Variants in TRPM3 observed in about 807,000 individuals in gnomAD.
The protein encoded by TRPM3 is long transient receptor potential channel 3.
Under a neutral mutation model 181.2 loss-of-function variants are expected in TRPM3, and 77 were observed. The ratio of observed to expected loss-of-function variants is 0.42; its 90% CI spans 0.35 to 0.51. The LOEUF is 0.51. Among genes scored for constraint, TRPM3 ranks in the 20% least tolerant of loss-of-function variants. The probability of loss-of-function intolerance (pLI) is 0.01; values close to 1 mark genes in which losing one functional copy is unlikely to be tolerated. For synonymous variants in TRPM3, 745 were observed against 796.4 expected (o/e 0.94, Z 1.09); for missense variants, 1,759 against 2,196.7 (o/e 0.80, Z 3.98).
chr9:71,179,445 G>C (rs959659574), intron 1 of TRPM3, among the ~76,000 whole-genome samples: 16 of 152,168 alleles, frequency 1.1e-4, no homozygotes, highest in Non-Finnish European at 2.9e-5. Context: ...CTCTCATTCT[G>C]GTCTGTGTTT....
chr9:71,059,551 T>C (rs1433014275), intron 1 of TRPM3, among the ~76,000 whole-genome samples: 2 of 152,030 alleles, frequency 1.3e-5, no homozygotes, highest in Admixed American at 1.3e-4. Flanking sequence ...ATCATATTAA[T>C]TTTGCTGTTG....
intron 6 of TRPM3, among the ~76,000 whole-genome samples, chr9:70,818,331 T>A (rs2092880727): frequency 1.3e-5 from 2 of 152,392 alleles, no homozygotes; most frequent in African/African-American, 4.8e-5. Flanking sequence ...GATTATATGT[T>A]AGAGTTCTCT....
At chr9:70,783,438 A>C (rs1055561334) in intron 7 of TRPM3, among the ~76,000 whole-genome samples, 15 of 152,112 alleles carry the variant, frequency 9.9e-5, no homozygotes, top group African/African-American at 3.6e-4. Context: ...GCATTTGCTC[A>C]GTGGGAAGTT....
intron 1 of TRPM3, among the ~76,000 whole-genome samples, chr9:71,349,697 C>T (rs1018295026): frequency 1.1e-4 from 16 of 151,956 alleles, no homozygotes; most frequent in African/African-American, 3.4e-4. Flanking sequence ...TTCTTTTGAC[C>T]AATGTCAAAA....
chr9:70,810,708 G>A (rs901500069), intron 6 of TRPM3, among the ~76,000 whole-genome samples: 2 of 152,152 alleles, frequency 1.3e-5, no homozygotes, highest in East Asian at 1.9e-4. Context: ...GCTTCCATGT[G>A]TAGGATGAAA....
intron 1 of TRPM3, among the ~76,000 whole-genome samples, chr9:71,392,682 C>T (rs2093090877): frequency 6.6e-6 from 1 of 152,104 alleles, no homozygotes. Context: ...TCTCTCAAGA[C>T]TTACAGCACC....
At chr9:70,834,514 G>C (rs564806850) in intron 5 of TRPM3, among the ~76,000 whole-genome samples, 2 of 152,302 alleles carry the variant, frequency 1.3e-5, no homozygotes, top group East Asian at 3.9e-4. Flanking sequence ...CCTAGTCTAG[G>C]TTGGACTCAG....
At chr9:71,379,597 C>T (rs1420304974) in intron 1 of TRPM3, among the ~76,000 whole-genome samples, 2 of 151,992 alleles carry the variant, frequency 1.3e-5, no homozygotes, top group African/African-American at 4.8e-5. Context: ...CTTAATTGAT[C>T]TGGTGTGGGC....
intron 1 of TRPM3, among the ~76,000 whole-genome samples, chr9:70,888,360 GGGGT>G (rs1191960898): frequency 3.1e-5 from 3 of 95,726 alleles, no homozygotes; most frequent in Admixed American, 2.2e-4. Context: ...CTTTTATTTT[GGGGT>G]GTGTGTGTGT....
At chr9:70,841,661 T>TAA (rs1339698170) in intron 5 of TRPM3, among the ~76,000 whole-genome samples, 1,783 of 86,002 alleles carry the variant, frequency 0.021, 87 homozygotes, top group African/African-American at 0.043. Flanking sequence ...TATATATATA[T>TAA]CCCACCATAT....
chr9:70,930,586 G>T (rs2096766121), intron 1 of TRPM3, among the ~76,000 whole-genome samples: 1 of 152,144 alleles, frequency 6.6e-6, no homozygotes, highest in Non-Finnish European at 1.5e-5. Flanking sequence ...TAAGGATAGA[G>T]TACTACACTG....
chr9:70,654,337 T>G (rs1454585244), intron 9 of TRPM3, among the ~76,000 whole-genome samples: 1 of 152,030 alleles, frequency 6.6e-6, no homozygotes, highest in Admixed American at 6.6e-5. Context: ...AAGTGTCTGG[T>G]GCGTTGACCT....
At chr9:71,418,216 T>G (rs2093667230) in intron 1 of TRPM3, among the ~76,000 whole-genome samples, 1 of 151,878 alleles carries the variant, frequency 6.6e-6, no homozygotes, top group South Asian at 2.1e-4. Context: ...GTGCTGGTTT[T>G]GGGGTGGCAA....
intron 5 of TRPM3, among the ~76,000 whole-genome samples, chr9:70,832,803 CAGGA>C (rs2094030669): frequency 6.6e-6 from 1 of 152,152 alleles, no homozygotes; most frequent in Non-Finnish European, 1.5e-5. Flanking sequence ...AAGTAGTAAA[CAGGA>C]AGTCAGGAGA....
intron 1 of TRPM3, among the ~76,000 whole-genome samples, chr9:71,281,334 C>A (rs930033578): frequency 6.6e-6 from 1 of 152,208 alleles, no homozygotes; most frequent in East Asian, 1.9e-4. Context: ...AGTTCATAAG[C>A]ACCTGGACCC....
chr9:70,790,722 G>T (rs950173664), intron 6 of TRPM3, among the ~76,000 whole-genome samples: 1 of 152,130 alleles, frequency 6.6e-6, no homozygotes, highest in Non-Finnish European at 1.5e-5. Context: ...AGTGTGAGAT[G>T]AATTTATGAA....
intron 1 of TRPM3, among the ~76,000 whole-genome samples, chr9:71,414,866 G>A (rs1398487965): frequency 2.6e-5 from 4 of 152,042 alleles, no homozygotes; most frequent in Non-Finnish European, 5.9e-5. Context: ...CAGGAAAAGA[G>A]CAATAAATTA....
chr9:70,621,215 T>C (rs778032478), intron 15 of TRPM3, 29 bp downstream of exon 15: 4 of 1,555,588 alleles, frequency 2.6e-6, no homozygotes, highest in Non-Finnish European at 3.5e-6. Context: ...AATAAATCAT[T>C]GACACTAATA....
intron 1 of TRPM3, among the ~76,000 whole-genome samples, chr9:71,328,241 G>GC (rs1317583151): frequency 6.6e-6 from 1 of 152,142 alleles, no homozygotes; most frequent in Non-Finnish European, 1.5e-5. Context: ...TCAGCTCACT[G>GC]CAAGCTCCGC....
Sources: gnomAD v4.1 joint callset for allele counts (sites outside exome capture counted in the v4.1 genomes callset) on GRCh38, gnomAD v4.1.1 for gene constraint, MANE v1.5 for transcripts, NCBI Gene and HGNC (gene_info 2026-07-23, HGNC 2026-07-21) for gene names.